CRTC3: variants seen among roughly 807,000 people sequenced by gnomAD.
CRTC3 encodes the protein CREB regulated transcription coactivator 3, also known as CREB-regulated transcription coactivator 3.
In CRTC3, 26 loss-of-function variants were observed where a neutral mutation model predicts 74.5. The ratio of observed to expected loss-of-function variants is 0.35; its 90% confidence interval spans 0.26 to 0.48. The LOEUF is 0.48. Ranked by LOEUF, CRTC3 falls within the 20% of genes least tolerant of loss-of-function variation. CRTC3 has a pLI of 0.99. For missense variants in CRTC3, 760 were observed against 787.3 expected (o/e 0.97, Z 0.41); for synonymous variants, 377 against 325.8 (o/e 1.16, Z -1.69).
intron 2 of CRTC3, among the ~76,000 whole-genome samples, chr15:90,545,677 A>C (rs571528486): frequency 6.6e-6 from 1 of 152,100 alleles, no homozygotes; most frequent in East Asian, 1.9e-4. Context: ...CCTGGGTTCA[A>C]GCAATTCTCC....
At position 90,643,242 on chromosome 15, in the gene CRTC3, C is replaced by G. The variant is rs755671369; in HGVS notation, c.*1102C>G. 3 of 232,428 alleles carry G rather than the reference C, an allele frequency of 1.3e-5. No individual in the cohort carries two copies. The highest frequency in any genetic ancestry group is 6.6e-5 in the African/African-American group (3 of 45,298). The allele number at this position is 232,428 out of a possible 1,614,324, so 14.4% of individuals were successfully genotyped here. A position where few individuals can be genotyped will look rare whatever the true frequency, so the allele number is the denominator to read the frequency against. The stretch of plus-strand genomic sequence containing the variant: ...TGATGAATGAGTGCGTCCGCCATGC[C>G]GTAAGGCAGGCTCACCTGTAGCTAT... On this transcript the variant is annotated 3_prime_UTR_variant, in exon 15 of 15. Transcript: ENST00000268184.
chr15:90,574,531 A>C (rs1021305173), intron 2 of CRTC3, among the ~76,000 whole-genome samples: 1 of 152,214 alleles, frequency 6.6e-6, no homozygotes, highest in Admixed American at 6.5e-5. Flanking sequence ...ATGCACATAC[A>C]GTTTCATACA....
chr15:90,533,084 CAAAAAAAAAAAAAAAAAAAAAAA>C (rs766911510), intron 1 of CRTC3, among the ~76,000 whole-genome samples: 687 of 18,880 alleles, frequency 0.036, 18 homozygotes, highest in Non-Finnish European at 0.05. Flanking sequence ...GACTTCATCT[CAAAAAAAAAAAAAAAAAAAAAAA>C]AAAAAAAAAA....
chr15:90,603,030 A>C (rs1968117155), intron 4 of CRTC3, among the ~76,000 whole-genome samples: 1 of 152,158 alleles, frequency 6.6e-6, no homozygotes, highest in African/African-American at 2.4e-5. Flanking sequence ...GAAAGTCTAA[A>C]ATGAAAAGTT....
intron 2 of CRTC3, among the ~76,000 whole-genome samples, chr15:90,553,884 A>G (rs1966869249): frequency 6.6e-6 from 1 of 152,268 alleles, no homozygotes; most frequent in African/African-American, 2.4e-5. Context: ...TCTACTTGAA[A>G]AGAAATACGA....
In CRTC3 at chr15:90,644,634, T is replaced by C. The variant is rs1222513651; in HGVS notation, c.*2494T>C. On this transcript the variant is annotated 3_prime_UTR_variant, in exon 15 of 15. Coordinates refer to ENST00000268184, the MANE Select transcript of CRTC3 (RefSeq NM_022769.5). ...TTCAATTTGTCCTTAGGTCTATGAG[T>C]GAGTCCGATCTTTTCTTGTGAAAGG... 1 of 232,094 alleles carries C rather than the reference T, an allele frequency of 4.3e-6. No homozygotes were observed. The highest frequency in any genetic ancestry group is 8.5e-6 in the Non-Finnish European group (1 of 117,444). The allele number at this position is 232,094 out of a possible 1,614,324, so 14.4% of individuals were successfully genotyped here.
chr15:90,563,570 T>C (rs982986857), intron 2 of CRTC3, among the ~76,000 whole-genome samples: 1 of 152,168 alleles, frequency 6.6e-6, no homozygotes, highest in Admixed American at 6.6e-5. Flanking sequence ...AGCGGATGGC[T>C]CTCACTTGGC....
chr15:90,603,184 C>A (rs1379251507), intron 4 of CRTC3, among the ~76,000 whole-genome samples: 1 of 152,060 alleles, frequency 6.6e-6, no homozygotes, highest in Admixed American at 6.5e-5. Context: ...TGGCTCATGC[C>A]TGTAATCCCA....
intron 2 of CRTC3, among the ~76,000 whole-genome samples, chr15:90,566,207 A>T (rs1202381665): frequency 6.6e-6 from 1 of 152,176 alleles, no homozygotes; most frequent in Admixed American, 6.5e-5. Flanking sequence ...AGGAAGCTAC[A>T]AAAGAAAAGT....
chr15:90,546,583 A>G (rs1163332507), intron 2 of CRTC3, among the ~76,000 whole-genome samples: 1 of 152,148 alleles, frequency 6.6e-6, no homozygotes, highest in Non-Finnish European at 1.5e-5. Flanking sequence ...ATAACATTTT[A>G]GAATCAGCTT....
chr15:90,553,451 C>T (rs548794312), intron 2 of CRTC3, among the ~76,000 whole-genome samples: 11 of 152,118 alleles, frequency 7.2e-5, no homozygotes, highest in Non-Finnish European at 1.2e-4. Flanking sequence ...AATCCATATT[C>T]GAATCATTTT....
chr15:90,533,422 G>GGAA (rs71154108), intron 1 of CRTC3, among the ~76,000 whole-genome samples: 5 of 138,854 alleles, frequency 3.6e-5, no homozygotes, highest in Non-Finnish European at 3.1e-5. Context: ...CTCCGCCTAG[G>GGAA]AAAAAAAAAA....
chr15:90,623,510 G>A (rs1270445121), intron 9 of CRTC3, among the ~76,000 whole-genome samples: 1 of 152,134 alleles, frequency 6.6e-6, no homozygotes, highest in East Asian at 1.9e-4. Flanking sequence ...AGGCCCCAGA[G>A]TTGTTCTTGA....
intron 9 of CRTC3, among the ~76,000 whole-genome samples, chr15:90,622,817 C>CCACAGTGAGCCAAGA (rs560513819): frequency 0.013 from 1,974 of 152,260 alleles, 40 homozygotes; most frequent in African/African-American, 0.045. Flanking sequence ...CACCACTGCA[C>CCACAGTGAGCCAAGA]TCCAGCCTGG....
At chr15:90,535,336 G>A (rs948252084) in intron 1 of CRTC3, among the ~76,000 whole-genome samples, 1 of 152,120 alleles carries the variant, frequency 6.6e-6, no homozygotes, top group Non-Finnish European at 1.5e-5. Flanking sequence ...AGGGAATGCC[G>A]ACCAGCTGAG....
chr15:90,629,854 C>T (rs944680839), intron 11 of CRTC3, among the ~76,000 whole-genome samples: 3 of 152,162 alleles, frequency 2.0e-5, no homozygotes, highest in South Asian at 2.1e-4. Flanking sequence ...TTCGGAGTAG[C>T]TGGGACCACA....
intron 6 of CRTC3, among the ~76,000 whole-genome samples, chr15:90,612,103 T>C (rs1204605442): frequency 7.8e-6 from 1 of 128,162 alleles, no homozygotes; most frequent in Non-Finnish European, 1.6e-5. Flanking sequence ...CGCCTCTGCC[T>C]CCTCCTCACA....
intron 1 of CRTC3, among the ~76,000 whole-genome samples, chr15:90,535,138 G>A (rs2151053560): frequency 6.7e-6 from 1 of 148,930 alleles, no homozygotes; most frequent in Non-Finnish European, 1.5e-5. Flanking sequence ...TCCAACCTGG[G>A]CAACAAGAGC....
At chr15:90,615,421 A>G (rs1968466963) in intron 7 of CRTC3, among the ~76,000 whole-genome samples, 1 of 152,240 alleles carries the variant, frequency 6.6e-6, no homozygotes, top group Admixed American at 6.5e-5. Flanking sequence ...TATATGTCAC[A>G]GAGGTGAGAC....
Sources: allele counts gnomAD v4.1 joint callset (sites outside exome capture counted in the v4.1 genomes callset), GRCh38; gene constraint gnomAD v4.1.1; transcripts MANE v1.5; gene names NCBI Gene and HGNC (gene_info 2026-07-23, HGNC 2026-07-21).